The following ACOT12 variants were observed in gnomAD, a reference collection of about 807,000 sequenced individuals.
The protein encoded by ACOT12 is acyl-CoA thioesterase 12, also known as acetyl-coenzyme A thioesterase.
ACOT12 carries 51 observed loss-of-function variants against 67.7 expected under a neutral mutation model. The ratio of observed to expected loss-of-function variants is 0.75; its 90% CI spans 0.60 to 0.95. The LOEUF (loss-of-function observed/expected upper bound fraction) is 0.95, where lower values mean the gene tolerates loss of function less well. Among genes scored for constraint, ACOT12 ranks in the 40% least tolerant of loss-of-function variants. The pLI is 0.00. For synonymous variants in ACOT12, 251 were observed against 244.6 expected (o/e 1.03, Z -0.24); for missense variants, 734 against 708.1 (o/e 1.04, Z -0.41).
chr5:81,346,088 G>A, intron 6 of ACOT12, 84 bp from the exon 7 acceptor site: 1 of 1,558,570 alleles, frequency 6.4e-7, no homozygotes, highest in Non-Finnish European at 8.7e-7. Flanking sequence ...CTTCAAATAA[G>A]CATTTCTTTA....
intron 2 of ACOT12, among the ~76,000 whole-genome samples, chr5:81,381,958 C>A (rs1206808115): frequency 6.6e-6 from 1 of 152,122 alleles, no homozygotes; most frequent in Admixed American, 6.5e-5. Flanking sequence ...CATAAATAAT[C>A]TTAAGCTACT....
At chr5:81,390,134 C>CA (rs1397295832) in intron 1 of ACOT12, among the ~76,000 whole-genome samples, 1 of 149,900 alleles carries the variant, frequency 6.7e-6, no homozygotes, top group Non-Finnish European at 1.5e-5. Flanking sequence ...TTAACATTTT[C>CA]TTTTTTTGGT....
chr5:81,331,195 G>GT (rs1376837996), intron 13 of ACOT12, among the ~76,000 whole-genome samples: 1 of 152,172 alleles, frequency 6.6e-6, no homozygotes, highest in East Asian at 1.9e-4. Context: ...CCAAACTGAA[G>GT]TTTTATTGTG....
the ACOT12 span, among the ~76,000 whole-genome samples, chr5:81,319,021 A>T: frequency 2.0e-5 from 3 of 152,134 alleles, no homozygotes; most frequent in Non-Finnish European, 4.4e-5. Flanking sequence ...CTGATTTTCA[A>T]AACTACTTAG....
intron 2 of ACOT12, among the ~76,000 whole-genome samples, chr5:81,384,279 C>A (rs1277396495): frequency 1.5e-4 from 23 of 151,862 alleles, no homozygotes; most frequent in Admixed American, 1.5e-3. Context: ...CGCCCGTCAT[C>A]ACAACTGGCT....
At chr5:81,351,529 G>T (rs1449548843) in intron 5 of ACOT12, among the ~76,000 whole-genome samples, 1 of 152,170 alleles carries the variant, frequency 6.6e-6, no homozygotes, top group African/African-American at 2.4e-5. Flanking sequence ...AATAAATGGT[G>T]CTGGGAAAAC....
At chr5:81,369,600 G>A (rs187864467) in intron 3 of ACOT12, among the ~76,000 whole-genome samples, 6 of 152,276 alleles carry the variant, frequency 3.9e-5, no homozygotes, top group East Asian at 3.9e-4. Context: ...TCTGCACGGC[G>A]GATCAGGCCT....
rs1381917022 is a variant in ACOT12 at position 81,335,878 on chromosome 5, C to T, written c.1152G>A (p.Glu384=). 3 of 1,613,510 alleles carry T rather than the reference C, an allele frequency of 1.9e-6. No homozygotes were observed. Among genetic ancestry groups the T allele is most frequent in the Non-Finnish European group, 1.7e-6 (2 of 1,179,754 alleles). Residue 384 remains glutamate, a synonymous_variant, in exon 12 of 15, where the codon GAG becomes GAA. Transcript: ENST00000307624. ...VEKIKIYTLE[E]HDVLSVWVEK... is the part of the protein sequence containing the mutation. ...CAACCCAAACAGATAAAACATCATG[C>T]TCTTCCAGAGTATATATTTTTATCT...
chr5:81,320,630 C>A, the ACOT12 span, among the ~76,000 whole-genome samples: 1 of 152,124 alleles, frequency 6.6e-6, no homozygotes, highest in Admixed American at 6.6e-5. Context: ...AAAGAATTCA[C>A]ACAAAATTCA....
rs550120613 is a variant in ACOT12 at position 81,330,879 on chromosome 5, A to G, written c.1453T>C (p.Tyr485His). Residue 485 changes from tyrosine (Y) to histidine (H), a missense_variant, in exon 14 of 15, where the codon TAC becomes CAC. By Grantham distance (83) the Tyr-to-His change is moderately conservative. Coordinates refer to ENST00000307624, the MANE Select transcript of ACOT12 (RefSeq NM_130767.3). ...ILPSVPPSPQ[Y>H]IRSEIICAGF... Reference sequence around the variant, plus strand: ...GCACATATGATTTCACTTCTGATGTACTGTGGAGACGGGGGGACCGATGGC... The same window carrying G: ...GCACATATGATTTCACTTCTGATGTGCTGTGGAGACGGGGGGACCGATGGC... 8 of 1,613,892 alleles carry G rather than the reference A, an allele frequency of 5.0e-6. No individual in the cohort carries two copies. In the Admixed American group the frequency reaches 5.0e-5, roughly 10 times the overall value.
At position 81,330,540 on chromosome 5, in the gene ACOT12, A is replaced by G. The variant is rs377706612; in HGVS notation, c.1522T>C (p.Ser508Pro). 6 of 1,612,496 alleles carry G rather than the reference A, an allele frequency of 3.7e-6. No homozygotes were observed. Among genetic ancestry groups the G allele is most frequent in the Non-Finnish European group, 5.1e-6 (6 of 1,179,576 alleles). Residue 508 changes from serine (S) to proline (P), a missense_variant, in exon 15 of 15, where the codon TCT becomes CCT. Coordinates refer to ENST00000307624, the MANE Select transcript of ACOT12 (RefSeq NM_130767.3). ...HAIDSNSCIV[S>P]YFNHMSASIL... Reference sequence around the variant, plus strand: ...CTAGCAGACATATGGTTAAAGTAAGATACCTGTTTCAAAAAGAAAGTACAA... The same window carrying G: ...CTAGCAGACATATGGTTAAAGTAAGGTACCTGTTTCAAAAAGAAAGTACAA...
intron 10 of ACOT12, 63 bp downstream of exon 10, chr5:81,343,755 C>T (rs762241735): frequency 2.9e-5 from 45 of 1,543,760 alleles, no homozygotes; most frequent in Admixed American, 5.4e-5. Flanking sequence ...GTTAGGCAAG[C>T]GGATTTCCAT....
At chr5:81,369,389 C>T (rs1760177872) in intron 3 of ACOT12, among the ~76,000 whole-genome samples, 1 of 152,122 alleles carries the variant, frequency 6.6e-6, no homozygotes, top group Non-Finnish European at 1.5e-5. Flanking sequence ...AGAGGGCTGG[C>T]CTCAGTTGTG....
intron 3 of ACOT12, among the ~76,000 whole-genome samples, chr5:81,370,520 A>G: frequency 6.6e-6 from 1 of 152,198 alleles, no homozygotes; most frequent in East Asian, 1.9e-4. Context: ...ATATCTTTAT[A>G]AAAAGGGGAA....
rs1298041363 is a variant in ACOT12, at chr5:81,330,524, A to G, written c.1538T>C (p.Met513Thr). 2 of 1,613,936 alleles carry G rather than the reference A, an allele frequency of 1.2e-6. No individual in the cohort carries two copies. The highest frequency in any genetic ancestry group is 1.3e-5 in the African/African-American group (1 of 74,932). The change falls in exon 15 of 15, where the codon ATG (methionine) becomes ACG (threonine). Residue 513 changes from methionine to threonine, a missense_variant. By Grantham distance (81) the Met-to-Thr change is moderately conservative. Coordinates refer to ENST00000307624, the MANE Select transcript of ACOT12 (RefSeq NM_130767.3). ...AAAGTAAGGAAGGATGCTAGCAGACATATGGTTAAAGTAAGATACCTGTTT... is the reference window on the plus strand; with the variant it reads ...AAAGTAAGGAAGGATGCTAGCAGACGTATGGTTAAAGTAAGATACCTGTTT... ...NSCIVSYFNH[M>T]SASILPYFAG...
chr5:81,316,228 G>C, the ACOT12 span, among the ~76,000 whole-genome samples: 1 of 152,162 alleles, frequency 6.6e-6, no homozygotes, highest in Non-Finnish European at 1.5e-5. Flanking sequence ...AATCTAGTCA[G>C]AGTTGTACAA....
At chr5:81,327,228 A>G (rs1758697551), downstream of ACOT12, among the ~76,000 whole-genome samples, 3 of 143,012 alleles carry the variant, frequency 2.1e-5, no homozygotes. Context: ...ACACATATAT[A>G]TACATACACA....
chr5:81,361,077 C>CAAAAAAA (rs71000820), intron 4 of ACOT12, among the ~76,000 whole-genome samples: 139 of 51,718 alleles, frequency 2.7e-3, no homozygotes, highest in Middle Eastern at 0.012. Context: ...GACTCCATCT[C>CAAAAAAA]AAAAAAAAAA....
intron 5 of ACOT12, among the ~76,000 whole-genome samples, chr5:81,348,258 A>G (rs910264311): frequency 6.6e-6 from 1 of 152,214 alleles, no homozygotes; most frequent in Non-Finnish European, 1.5e-5. Flanking sequence ...AGATCAGGAC[A>G]GGAAGGGGCA....
Sources: allele counts gnomAD v4.1 joint callset (sites outside exome capture counted in the v4.1 genomes callset), GRCh38; gene constraint gnomAD v4.1.1; transcripts MANE v1.5; gene names NCBI Gene and HGNC (gene_info 2026-07-23, HGNC 2026-07-21).